Variants in ACACA observed in about 807,000 individuals in gnomAD.
The protein encoded by ACACA is acetyl-CoA carboxylase 1.
ACACA carries 103 observed loss-of-function variants against 296.1 expected under a neutral mutation model. The ratio of observed to expected loss-of-function variants is 0.35; its 90% CI spans 0.30 to 0.41. The LOEUF is 0.41. Ranked by LOEUF, ACACA falls within the 10% of genes least tolerant of loss-of-function variation. ACACA has a pLI of 1.00. For missense variants in ACACA, 1,554 were observed against 2,989.7 expected (o/e 0.52, Z 11.20); for synonymous variants, 953 against 1,038.6 (o/e 0.92, Z 1.58).
At chr17:37,302,839 G>A (rs1234561900) in intron 3 of ACACA, among the ~76,000 whole-genome samples, 2 of 152,100 alleles carry the variant, frequency 1.3e-5, no homozygotes, top group African/African-American at 4.8e-5. Context: ...CAATTTTACT[G>A]AGATACAATT....
At chr17:37,239,631 T>G (rs2080291542) in intron 24 of ACACA, among the ~76,000 whole-genome samples, 2 of 152,234 alleles carry the variant, frequency 1.3e-5, no homozygotes, top group African/African-American at 4.8e-5. Flanking sequence ...CTTGAGATAA[T>G]GAGCATGTTT....
intron 3 of ACACA, among the ~76,000 whole-genome samples, chr17:37,313,958 G>T (rs910536787): frequency 2.6e-5 from 4 of 151,992 alleles, no homozygotes; most frequent in Non-Finnish European, 5.9e-5. Flanking sequence ...CAACGTAAGG[G>T]TCCATCAACA....
intron 9 of ACACA, among the ~76,000 whole-genome samples, chr17:37,272,435 A>G (rs1326517371): frequency 1.3e-5 from 2 of 152,248 alleles, no homozygotes; most frequent in African/African-American, 4.8e-5. Flanking sequence ...AAAATCTTTT[A>G]TGCACAGTCT....
chr17:37,349,778 C>T (rs1372694126), intron 1 of ACACA, among the ~76,000 whole-genome samples: 4 of 151,806 alleles, frequency 2.6e-5, no homozygotes, highest in African/African-American at 4.8e-5. Context: ...AGGCTGGTCT[C>T]GAACTTCTGA....
At chr17:37,320,604 C>A (rs752532130) in intron 3 of ACACA, among the ~76,000 whole-genome samples, 8 of 151,932 alleles carry the variant, frequency 5.3e-5, no homozygotes, top group Non-Finnish European at 1.0e-4. Context: ...CCCAAGCTGG[C>A]CACCTTGGGC....
rs367916049 is a variant in ACACA, at chr17:37,379,207, C to A, written c.38+27055G>T. 6.8e-6 allele frequency: 11 copies of A among 1,613,914 alleles called. No homozygotes were observed. In the African/African-American group the frequency reaches 1.3e-4, roughly 20 times the overall value. On this transcript the variant is annotated intron_variant, in intron 1 of 55. Coordinates refer to ENST00000616317, the MANE Select transcript of ACACA (RefSeq NM_198834.3). Reference sequence around the variant, plus strand: ...CTATAGCTACCCTGCAGTGCCTTGGCTCTGACAGCAAAGTAAAAGTCAACC... The same window carrying A: ...CTATAGCTACCCTGCAGTGCCTTGGATCTGACAGCAAAGTAAAAGTCAACC...
chr17:37,128,513 T>C lies in ACACA; in HGVS notation c.5944+852A>G, dbSNP rs73982239. 1.1e-3 allele frequency among the ~76,000 whole-genome samples: 172 copies of C among 152,324 alleles called. 1 individual carries two copies. Among genetic ancestry groups the C allele is most frequent in the African/African-American group, 4.1e-3 (169 of 41,576 alleles). On this transcript the variant is annotated intron_variant, in intron 47 of 55. Coordinates refer to ENST00000616317, the MANE Select transcript of ACACA (RefSeq NM_198834.3). ...TATATATAGCCTTTCTTTGAAATAG[T>C]TGCAATAAATATGCAAAAAAGAACA...
intron 1 of ACACA, among the ~76,000 whole-genome samples, chr17:37,405,843 C>A (rs1173159480): frequency 6.8e-6 from 1 of 147,408 alleles, no homozygotes; most frequent in Non-Finnish European, 1.5e-5. Context: ...TGAGCCACCG[C>A]GCCCGGCAGG....
intron 5 of ACACA, among the ~76,000 whole-genome samples, chr17:37,278,451 G>A (rs1173478563): frequency 2.6e-5 from 4 of 152,158 alleles, no homozygotes; most frequent in Non-Finnish European, 5.9e-5. Context: ...GAGCCTGAAT[G>A]GCTTGCAAAC....
intron 29 of ACACA, among the ~76,000 whole-genome samples, chr17:37,221,357 A>G (rs935569976): frequency 3.3e-5 from 5 of 152,226 alleles, no homozygotes; most frequent in African/African-American, 4.8e-5. Flanking sequence ...CATTCCACCC[A>G]AAGTATTTTT....
chr17:37,266,668 G>A (rs945189063), intron 10 of ACACA, among the ~76,000 whole-genome samples: 3 of 152,006 alleles, frequency 2.0e-5, no homozygotes, highest in East Asian at 1.9e-4. Flanking sequence ...ACAAGTTCTG[G>A]GTCCTTTACA....
At chr17:37,340,543 G>A (rs544122020) in intron 1 of ACACA, among the ~76,000 whole-genome samples, 1 of 152,290 alleles carries the variant, frequency 6.6e-6, no homozygotes, top group African/African-American at 2.4e-5. Flanking sequence ...AATTGACACT[G>A]ATGGAAATAC....
At chr17:37,178,327 C>A (rs963970577) in intron 41 of ACACA, among the ~76,000 whole-genome samples, 3 of 152,144 alleles carry the variant, frequency 2.0e-5, no homozygotes, top group African/African-American at 7.2e-5. Flanking sequence ...AAAATGGGTT[C>A]TTTGCTACAT....
chr17:37,319,333 AAGC>A (rs1207169708), intron 3 of ACACA, among the ~76,000 whole-genome samples: 1 of 152,190 alleles, frequency 6.6e-6, no homozygotes, highest in African/African-American at 2.4e-5. Context: ...TGACTAAAAA[AAGC>A]AGATTATAAA....
At chr17:37,372,268 CCA>C (rs1206547402) in intron 1 of ACACA, among the ~76,000 whole-genome samples, 1 of 151,880 alleles carries the variant, frequency 6.6e-6, no homozygotes, top group Non-Finnish European at 1.5e-5. Flanking sequence ...AAAAAATTAG[CCA>C]AGCGTGGTGG....
chr17:37,326,603 G>A (rs997604146), intron 3 of ACACA, among the ~76,000 whole-genome samples: 4 of 152,100 alleles, frequency 2.6e-5, no homozygotes, highest in African/African-American at 9.7e-5. Context: ...GGCTGAGGCG[G>A]GCAGATCACC....
chr17:37,205,064 GAA>G (rs1440058544), intron 33 of ACACA, among the ~76,000 whole-genome samples: 2 of 151,954 alleles, frequency 1.3e-5, no homozygotes, highest in African/African-American at 4.8e-5. Flanking sequence ...CTGGAAAGAA[GAA>G]AAAGAGAAAG....
chr17:37,151,561 A>G (rs1383694613), intron 43 of ACACA, 140 bp from the exon 44 acceptor site: 8 of 1,013,618 alleles, frequency 7.9e-6, no homozygotes, highest in Middle Eastern at 2.9e-4. Flanking sequence ...GCTTCCTTTT[A>G]TACTCTTCAT....
Position 37,406,422 on chromosome 17 carries a change from A to C in ACACA, c.-123T>G. 2 of 1,114,638 alleles carry C rather than the reference A, an allele frequency of 1.8e-6. No homozygotes were observed. Among genetic ancestry groups the C allele is most frequent in the Non-Finnish European group, 2.7e-6 (2 of 732,736 alleles). The allele number at this position is 1,114,638 out of a possible 1,614,324, so 69.0% of individuals were successfully genotyped here. On this transcript the variant is annotated 5_prime_UTR_variant, in exon 1 of 56. The change creates a new upstream start codon in the 5' untranslated region. Coordinates refer to ENST00000616317, the MANE Select transcript of ACACA (RefSeq NM_198834.3). ...GAAACGCACCCTCTTCACCCCTTAA[A>C]ATCAGTCTGGTTCATCCACGAGCAG... is the stretch of plus-strand genomic sequence containing the variant.
Sources: gnomAD v4.1 joint callset for allele counts (sites outside exome capture counted in the v4.1 genomes callset) on GRCh38, gnomAD v4.1.1 for gene constraint, MANE v1.5 for transcripts, NCBI Gene and HGNC (gene_info 2026-07-23, HGNC 2026-07-21) for gene names.